Variants in DNAH2 observed in about 807,000 individuals in gnomAD.
DNAH2 encodes the protein axonemal beta dynein heavy chain 2.
A neutral mutation model predicts 523.5 loss-of-function variants in DNAH2; 323 were observed. That is an observed-to-expected ratio of 0.62 (90% CI 0.56 to 0.68). The LOEUF is 0.68. Among genes scored for constraint, DNAH2 ranks in the 30% least tolerant of loss-of-function variants. DNAH2 has a pLI of 0.00. For synonymous variants in DNAH2, 2,093 were observed against 2,177.4 expected (o/e 0.96, Z 1.08); for missense variants, 4,907 against 5,701.5 (o/e 0.86, Z 4.49).
At chr17:7,773,608 T>C (rs1050311701) in intron 28 of DNAH2, among the ~76,000 whole-genome samples, 1 of 152,250 alleles carries the variant, frequency 6.6e-6, no homozygotes, top group Non-Finnish European at 1.5e-5. Context: ...CTTTCCATCT[T>C]AACTAAGCAC....
intron 3 of DNAH2, among the ~76,000 whole-genome samples, chr17:7,724,726 A>G (rs1228780422): frequency 1.4e-5 from 2 of 147,080 alleles, no homozygotes; most frequent in Non-Finnish European, 3.0e-5. Context: ...TATAATCCTA[A>G]CTTTATCATA....
chr17:7,797,291 G>A, intron 51 of DNAH2, 30 bp downstream of exon 51: 2 of 1,613,868 alleles, frequency 1.2e-6, no homozygotes, highest in Non-Finnish European at 1.7e-6. Context: ...GCCAAACGAA[G>A]GCTTCCTCAG....
Position 7,760,983 on chromosome 17 carries a change from C to A in DNAH2, c.2978+51C>A. ...TCTGTCTGTAGGAGGCACAGCACTG[C>A]AGGAGGAGCCCAGGCCTAGAGTCTT... On this transcript the variant is annotated intron_variant, in intron 18 of 85. Coordinates refer to ENST00000572933, the MANE Select transcript of DNAH2 (RefSeq NM_020877.5). This position sits in a 1 kb window ranked among gnomAD's most constrained non-coding sequence, Gnocchi z 4.0. 1 of 1,598,354 alleles carries A rather than the reference C, an allele frequency of 6.3e-7. No individual in the cohort carries two copies. The highest frequency in any genetic ancestry group is 8.5e-7 in the Non-Finnish European group (1 of 1,171,200).
Position 7,780,949 on chromosome 17 carries a change from C to T in DNAH2, c.6004-93C>T. On this transcript the variant is annotated intron_variant, in intron 38 of 85. Transcript: ENST00000572933. This position sits in a 1 kb window ranked among gnomAD's most constrained non-coding sequence, Gnocchi z 4.4. ...CTTTGCTAATGGCTAACTGGTGTAT[C>T]CATTGTTCTTGGCACGTGCCCCGAA... 2 of 1,599,396 alleles carry T rather than the reference C, an allele frequency of 1.3e-6. No homozygotes were observed. The highest frequency in any genetic ancestry group is 1.7e-6 in the Non-Finnish European group (2 of 1,172,016).
In DNAH2 at chr17:7,768,219, G is replaced by A. The variant is rs2076224435; in HGVS notation, c.3893G>A (p.Arg1298Lys). 2 of 1,614,170 alleles carry A rather than the reference G, an allele frequency of 1.2e-6. No homozygotes were observed. Among genetic ancestry groups the A allele is most frequent in the Non-Finnish European group, 1.7e-6 (2 of 1,180,028 alleles). Residue 1298 changes from arginine to lysine, a missense_variant, in exon 24 of 86, where the codon AGG becomes AAG. By Grantham distance (26) the Arg-to-Lys change is conservative (BLOSUM62 2). Transcript: ENST00000572933. ...TTRSKIEQFKRTMPLISDLRN... is the reference protein window; with the variant it reads ...TTRSKIEQFKKTMPLISDLRN... ...CGCTCAAAAATAGAGCAGTTCAAGA[G>A]GACCATGCCTCTCATCTCAGACCTG...
intron 39 of DNAH2, among the ~76,000 whole-genome samples, chr17:7,785,728 A>G (rs2076715498): frequency 6.6e-6 from 1 of 152,220 alleles, no homozygotes; most frequent in Non-Finnish European, 1.5e-5. Flanking sequence ...CTGCAATAGG[A>G]CGAAATCTAT....
At chr17:7,728,197 C>T (rs1332183970) in intron 4 of DNAH2, among the ~76,000 whole-genome samples, 1 of 151,928 alleles carries the variant, frequency 6.6e-6, no homozygotes. Context: ...GGTAGGGAGA[C>T]AGTTAAAAGA....
intron 44 of DNAH2, among the ~76,000 whole-genome samples, chr17:7,789,359 C>G: frequency 6.6e-6 from 1 of 152,012 alleles, no homozygotes; most frequent in East Asian, 1.9e-4. Flanking sequence ...CCTGGCAGGG[C>G]GGGCCGAGCT....
chr17:7,791,579 A>G (rs1406625221), intron 44 of DNAH2, among the ~76,000 whole-genome samples: 1 of 152,078 alleles, frequency 6.6e-6, no homozygotes, highest in Non-Finnish European at 1.5e-5. Context: ...GTGTTTTGCA[A>G]TTACAAACAA....
chr17:7,813,211 G>A (rs918796875), intron 63 of DNAH2, among the ~76,000 whole-genome samples: 1 of 151,922 alleles, frequency 6.6e-6, no homozygotes, highest in Non-Finnish European at 1.5e-5. Context: ...GTGTGAAGAC[G>A]TGCTTATGCC....
At position 7,818,066 on chromosome 17, in the gene DNAH2, C is replaced by G. The variant is rs1412778131; in HGVS notation, c.10357C>G (p.Pro3453Ala). 1 of 1,613,048 alleles carries G rather than the reference C, an allele frequency of 6.2e-7. No homozygotes were observed. Among genetic ancestry groups the G allele is most frequent in the Non-Finnish European group, 8.5e-7 (1 of 1,180,042 alleles). ...GGAATATCTGGACCCCACACTGAAC[C>G]CCATGCTCAACAAATCTGTAGCCCG... ...VQEYLDPTLN[P>A]MLNKSVARIG... The change falls in exon 68 of 86, where the codon CCC (proline) becomes GCC (alanine). Residue 3453 changes from proline (P) to alanine (A), a missense_variant. Around this residue, in one of 3 missense-constraint regions of DNAH2, gnomAD observed 1,851 missense variants for 2,139.4 expected, o/e 0.87. Transcript: ENST00000572933.
chr17:7,719,939 G>T, intron 2 of DNAH2, 39 bp downstream of exon 2: 3 of 1,463,278 alleles, frequency 2.1e-6, no homozygotes, highest in Non-Finnish European at 1.8e-6. Flanking sequence ...TAGCAATGGA[G>T]GGTGGGGAAA....
chr17:7,819,285 A>C lies in DNAH2; in HGVS notation c.10892A>C (p.Tyr3631Ser). The C allele has an allele frequency of 6.2e-7, 1 of 1,614,182 alleles. No homozygotes were observed. The highest frequency in any genetic ancestry group is 8.5e-7 in the Non-Finnish European group (1 of 1,180,038). The change falls in exon 72 of 86, where the codon TAC becomes TCC. Residue 3631 changes from tyrosine to serine, a missense_variant. Tyr to Ser is a moderately radical substitution (Grantham distance 144). Around this residue, in one of 3 missense-constraint regions of DNAH2, gnomAD observed 1,851 missense variants for 2,139.4 expected, o/e 0.87. Coordinates refer to ENST00000572933, the MANE Select transcript of DNAH2 (RefSeq NM_020877.5). ...GATATGGGCTGCATCGACCCCATGTACCAGTTCTCACTGGATGCCTACATC... is the reference window on the plus strand; with the variant it reads ...GATATGGGCTGCATCGACCCCATGTCCCAGTTCTCACTGGATGCCTACATC... ...LNDMGCIDPM[Y>S]QFSLDAYISL...
rs956742720 is a variant in DNAH2 at position 7,758,590 on chromosome 17, A to C, written c.2147A>C (p.His716Pro). 2 of 1,614,178 alleles carry C rather than the reference A, an allele frequency of 1.2e-6. No homozygotes were observed. The highest frequency in any genetic ancestry group is 1.3e-5 in the African/African-American group (1 of 75,044). Residue 716 changes from histidine to proline, a missense_variant, in exon 14 of 86, where the codon CAC becomes CCC. By Grantham distance (77) the His-to-Pro change is moderately conservative. Coordinates refer to ENST00000572933, the MANE Select transcript of DNAH2 (RefSeq NM_020877.5). Reference sequence around the variant, plus strand: ...ATCCACCCGGGACTCAAGAAACTGCACTGGGCCTTGAAGGGGGCCAGTGCC... The same window carrying C: ...ATCCACCCGGGACTCAAGAAACTGCCCTGGGCCTTGAAGGGGGCCAGTGCC... ...KKIHPGLKKL[H>P]WALKGASAFF...
rs771792429 is a variant in DNAH2, at chr17:7,817,380, C to T, written c.9985C>T (p.Arg3329Trp). 41 of 1,613,668 alleles carry T rather than the reference C, an allele frequency of 2.5e-5. No individual in the cohort carries two copies. The highest frequency in any genetic ancestry group is 3.3e-5 in the Admixed American group (2 of 59,898). The change falls in exon 65 of 86, where the codon CGG becomes TGG. Residue 3329 changes from arginine to tryptophan, a missense_variant. Physicochemically the swap from Arg to Trp is moderately radical, Grantham distance 101. Coordinates refer to ENST00000572933, the MANE Select transcript of DNAH2 (RefSeq NM_020877.5). ...CATGGGACCCTTCCTGACCAACTAC[C>T]GGGATGAGATTGTCAACCAAATCTG... Reference protein sequence around the residue: ...SYMGPFLTNYRDEIVNQIWIG... With the variant: ...SYMGPFLTNYWDEIVNQIWIG...
In DNAH2 at chr17:7,777,550, T is replaced by C; in HGVS notation, c.5163T>C (p.Asp1721=). ...ALVTIEIHAR[D]VLEKLYKSGL... ...TGACGATAGAAATTCATGCCCGGGA[T>C]GTGTTGGAGAAGCTTTACAAGAGTG... The change falls in exon 33 of 86, where the codon GAT becomes GAC. Residue 1721 remains aspartate, a synonymous_variant. Coordinates refer to ENST00000572933, the MANE Select transcript of DNAH2 (RefSeq NM_020877.5). The C allele has an allele frequency of 6.2e-7, 1 of 1,614,176 alleles. No homozygotes were observed. The highest frequency in any genetic ancestry group is 8.5e-7 in the Non-Finnish European group (1 of 1,180,024).
chr17:7,719,221 G>A (rs547060134), intron 1 of DNAH2, among the ~76,000 whole-genome samples: 23 of 151,226 alleles, frequency 1.5e-4, no homozygotes, highest in Non-Finnish European at 2.2e-4. Flanking sequence ...TCTACCTCTC[G>A]GGTTCAAGAG....
In DNAH2 at chr17:7,792,827, C is replaced by A. The variant is rs1003228410; in HGVS notation, c.7316C>A (p.Ser2439Ter). 6.2e-7 allele frequency: 1 copy of A among 1,614,108 alleles called. No homozygotes were observed. Among genetic ancestry groups the A allele is most frequent in the Non-Finnish European group, 8.5e-7 (1 of 1,180,004 alleles). The part of the protein sequence containing the change: ...VLQSLPSSQW[S>*]VLVVNMSAQT... Reference sequence around the variant, plus strand: ...CAGTCCCTGCCCTCCAGCCAGTGGTCGGTGCTCGTTGTCAACATGTCCGCA... The same window carrying A: ...CAGTCCCTGCCCTCCAGCCAGTGGTAGGTGCTCGTTGTCAACATGTCCGCA... The change falls in exon 47 of 86, where the codon TCG becomes TAG. Residue 2439 changes from serine to a stop codon, truncating the protein, a stop_gained. Coordinates refer to ENST00000572933, the MANE Select transcript of DNAH2 (RefSeq NM_020877.5). LOFTEE classifies it high-confidence loss of function.
intron 12 of DNAH2, among the ~76,000 whole-genome samples, chr17:7,750,609 T>C (rs1194879015): frequency 1.3e-5 from 2 of 152,196 alleles, no homozygotes; most frequent in Non-Finnish European, 2.9e-5. Flanking sequence ...CGATTTATAG[T>C]AATTGTCTTT....
Sources: gnomAD v4.1 joint callset for allele counts (sites outside exome capture counted in the v4.1 genomes callset) on GRCh38, gnomAD v4.1.1 for gene constraint, gnomAD v4.1.1 regional missense constraint, Gnocchi (gnomAD v3.1) non-coding constraint, MANE v1.5 for transcripts, NCBI Gene and HGNC (gene_info 2026-07-23, HGNC 2026-07-21) for gene names.